URI1: variants seen among roughly 807,000 people sequenced by gnomAD.
URI1 encodes the protein URI1 prefoldin like chaperone, also known as unconventional prefoldin RPB5 interactor 1.
Under a neutral mutation model 60.2 loss-of-function variants are expected in URI1, and 39 were observed. The ratio of observed to expected loss-of-function variants is 0.65; its 90% CI spans 0.50 to 0.85. The LOEUF is 0.85. URI1 is among the 40% of genes least tolerant of loss of function. The pLI is 0.00. For synonymous variants in URI1, 251 were observed against 236.8 expected (o/e 1.06, Z -0.55); for missense variants, 691 against 665.9 (o/e 1.04, Z -0.42).
chr19:30,003,314 T>TG (rs1456388305), intron 4 of URI1, among the ~76,000 whole-genome samples: 2 of 152,062 alleles, frequency 1.3e-5, no homozygotes, highest in Non-Finnish European at 2.9e-5. Flanking sequence ...AATTTTTTGT[T>TG]GCTCTAGGAC....
chr19:29,945,611 T>C (rs2055093441), intron 1 of URI1, among the ~76,000 whole-genome samples: 1 of 152,232 alleles, frequency 6.6e-6, no homozygotes, highest in South Asian at 2.1e-4. Context: ...TATTTTGATC[T>C]AGCAATAAAA....
At chr19:29,982,081 A>G (rs1444417919) in intron 2 of URI1, among the ~76,000 whole-genome samples, 2 of 152,202 alleles carry the variant, frequency 1.3e-5, no homozygotes, top group Admixed American at 1.3e-4. Flanking sequence ...TGTAGCCTTT[A>G]GAGAGAGAGG....
At chr19:29,957,452 T>TA (rs1288240327) in intron 1 of URI1, among the ~76,000 whole-genome samples, 1 of 152,056 alleles carries the variant, frequency 6.6e-6, no homozygotes. Flanking sequence ...ATTATGTGAT[T>TA]ATTTGTGTGT....
intron 4 of URI1, among the ~76,000 whole-genome samples, chr19:30,001,912 A>G (rs1158544776): frequency 2.6e-5 from 4 of 152,030 alleles, no homozygotes; most frequent in East Asian, 1.9e-4. Flanking sequence ...TCAATGTGCT[A>G]TTTTAAAGCA....
At chr19:30,000,620 A>G (rs1005462485) in intron 4 of URI1, among the ~76,000 whole-genome samples, 4 of 152,006 alleles carry the variant, frequency 2.6e-5, no homozygotes, top group African/African-American at 9.7e-5. Context: ...AAGTGTTGCT[A>G]TTGAAAATCT....
chr19:29,930,668 T>C (rs2054908771), intron 1 of URI1, among the ~76,000 whole-genome samples: 1 of 152,158 alleles, frequency 6.6e-6, no homozygotes, highest in Non-Finnish European at 1.5e-5. Context: ...TATTGGACTA[T>C]ATGACTATCT....
intron 1 of URI1, chr19:29,956,603 G>C (rs1187271645): frequency 2.0e-6 from 3 of 1,499,930 alleles, no homozygotes; most frequent in Non-Finnish European, 2.8e-6. Flanking sequence ...GCAACACCTG[G>C]TCTCATCTGA....
chr19:29,958,653 T>G (rs2055281589), intron 1 of URI1, among the ~76,000 whole-genome samples: 2 of 152,110 alleles, frequency 1.3e-5, no homozygotes, highest in Non-Finnish European at 2.9e-5. Flanking sequence ...TTTCTTTTCT[T>G]TTTTCTTTTT....
rs148088193 is a variant in URI1, at chr19:29,985,492, AAT to A, written c.231+198_231+199del. On this transcript the variant is annotated intron_variant, in intron 3 of 10. Coordinates refer to ENST00000392271, the MANE Select transcript of URI1 (RefSeq NM_003796.3). Reference sequence around the variant, plus strand: ...GTTGGTATTTACCTTTTTTTTTCAGAATATATATGGTGACACAAATGACATAA... The same window carrying A: ...GTTGGTATTTACCTTTTTTTTTCAGAATATATGGTGACACAAATGACATAA... Among the ~76,000 whole-genome samples, 1,115 of 152,052 alleles carry A rather than the reference AAT, an allele frequency of 7.3e-3. 23 individuals carry two copies. The highest frequency in any genetic ancestry group is 0.025 in the African/African-American group (1,055 of 41,498).
chr19:29,981,353 T>A (rs1319341107), intron 2 of URI1, among the ~76,000 whole-genome samples: 1 of 152,184 alleles, frequency 6.6e-6, no homozygotes, highest in Non-Finnish European at 1.5e-5. Flanking sequence ...TCATTTAACT[T>A]GATTTCTCTC....
intron 2 of URI1, among the ~76,000 whole-genome samples, chr19:29,979,957 C>G (rs2055572460): frequency 6.6e-6 from 1 of 152,036 alleles, no homozygotes; most frequent in Non-Finnish European, 1.5e-5. Context: ...CCTTTTCCCA[C>G]CAAATTGCAT....
intron 10 of URI1, among the ~76,000 whole-genome samples, chr19:30,013,464 C>T (rs953967371): frequency 9.9e-5 from 15 of 152,084 alleles, no homozygotes; most frequent in Admixed American, 7.2e-4. Flanking sequence ...AAGTATCTTA[C>T]CTTATTTGAT....
intron 4 of URI1, among the ~76,000 whole-genome samples, chr19:29,998,504 T>C (rs2055840179): frequency 6.6e-6 from 1 of 152,196 alleles, no homozygotes; most frequent in African/African-American, 2.4e-5. Context: ...CTGTTAGGTA[T>C]GTATGTATTT....
chr19:30,009,498 A>C (rs1372909251), intron 8 of URI1, 145 bp downstream of exon 8: 1 of 841,852 alleles, frequency 1.2e-6, no homozygotes, highest in Non-Finnish European at 1.8e-6. Flanking sequence ...TGTTCTGACC[A>C]ATTTAAGAAG....
chr19:29,946,546 CCTCATGTAGTT>C (rs2055105329), intron 1 of URI1, among the ~76,000 whole-genome samples: 1 of 152,010 alleles, frequency 6.6e-6, no homozygotes. Context: ...TAATTGAGTG[CCTCATGTAGTT>C]CTCACTTGGA....
chr19:29,963,752 A>G (rs2055355339), intron 1 of URI1, among the ~76,000 whole-genome samples: 1 of 152,130 alleles, frequency 6.6e-6, no homozygotes, highest in Non-Finnish European at 1.5e-5. Flanking sequence ...ATGCAGTGGG[A>G]GCTGGTCACC....
chr19:30,008,872 TGAAC>T, intron 7 of URI1, 129 bp from the exon 8 acceptor site: 3 of 775,714 alleles, frequency 3.9e-6, no homozygotes, highest in African/African-American at 1.8e-5. Context: ...TTTTTGTTTT[TGAAC>T]TTAGAATTCT....
At chr19:30,009,575 G>T (rs1158815799) in intron 8 of URI1, among the ~76,000 whole-genome samples, 1 of 152,056 alleles carries the variant, frequency 6.6e-6, no homozygotes, top group Non-Finnish European at 1.5e-5. Context: ...GCATTGTTTG[G>T]GGTCTGGAAG....
At chr19:29,933,455 A>G (rs2054940042) in intron 1 of URI1, among the ~76,000 whole-genome samples, 1 of 152,116 alleles carries the variant, frequency 6.6e-6, no homozygotes, top group African/African-American at 2.4e-5. Flanking sequence ...GTACTGTCTC[A>G]CTTTCATTTC....
Sources: gnomAD v4.1 joint callset for allele counts (sites outside exome capture counted in the v4.1 genomes callset) on GRCh38, gnomAD v4.1.1 for gene constraint, MANE v1.5 for transcripts, NCBI Gene and HGNC (gene_info 2026-07-23, HGNC 2026-07-21) for gene names.